Variants in C12orf42 observed in about 807,000 individuals in gnomAD.
The protein encoded by C12orf42 is uncharacterized protein C12orf42.
C12orf42 carries 25 observed loss-of-function variants against 21.6 expected under a neutral mutation model. That is an observed-to-expected ratio of 1.16 (90% confidence interval 0.84 to 1.62). C12orf42 has a LOEUF of 1.62. C12orf42 is among the 40% of genes most tolerant of loss of function. The pLI is 0.00. For synonymous variants in C12orf42, 174 were observed against 175.0 expected (o/e 0.99, Z 0.05); for missense variants, 483 against 459.3 (o/e 1.05, Z -0.47).
chr12:103,344,447 A>G (rs1325934415), intron 4 of C12orf42, among the ~76,000 whole-genome samples: 3 of 152,104 alleles, frequency 2.0e-5, no homozygotes, highest in Non-Finnish European at 2.9e-5. Context: ...CCTTTCCCCT[A>G]TTTAGAAAGC....
chr12:103,050,977 A>T, the C12orf42 span, among the ~76,000 whole-genome samples: 1 of 152,168 alleles, frequency 6.6e-6, no homozygotes. Context: ...AATTCTGTGT[A>T]CATTCCTAAA....
the C12orf42 span, among the ~76,000 whole-genome samples, chr12:103,538,029 A>T: frequency 6.6e-6 from 1 of 152,238 alleles, no homozygotes; most frequent in African/African-American, 2.4e-5. Context: ...GTAGTCACCA[A>T]TATCTGCTGC....
intron 4 of C12orf42, among the ~76,000 whole-genome samples, chr12:103,278,200 G>T (rs756828115): frequency 5.9e-5 from 9 of 152,212 alleles, no homozygotes; most frequent in Middle Eastern, 3.4e-3. Context: ...GCAACAATGG[G>T]GGGGCTATGT....
the C12orf42 span, among the ~76,000 whole-genome samples, chr12:103,126,588 G>C: frequency 6.6e-6 from 1 of 151,898 alleles, no homozygotes; most frequent in African/African-American, 2.4e-5. Flanking sequence ...TCAAGAATGT[G>C]AAGGTGTGTA....
chr12:103,466,948 C>T (rs1953186359), intron 2 of C12orf42, among the ~76,000 whole-genome samples: 1 of 152,176 alleles, frequency 6.6e-6, no homozygotes, highest in South Asian at 2.1e-4. Context: ...CCAGACGAGG[C>T]CATCCTGGAT....
intron 3 of C12orf42, among the ~76,000 whole-genome samples, chr12:103,386,422 T>C (rs777798542): frequency 7.9e-5 from 12 of 152,064 alleles, no homozygotes; most frequent in Non-Finnish European, 7.4e-5. Flanking sequence ...CCCAGTTATC[T>C]CCAGCTGAAT....
At chr12:103,225,908 A>G in the C12orf42 span, among the ~76,000 whole-genome samples, 8 of 152,170 alleles carry the variant, frequency 5.3e-5, no homozygotes, top group Admixed American at 5.2e-4. Context: ...GTGTTGGTCT[A>G]AGGGGCTTCC....
At chr12:103,096,250 C>G in the C12orf42 span, among the ~76,000 whole-genome samples, 2 of 152,006 alleles carry the variant, frequency 1.3e-5, no homozygotes, top group Non-Finnish European at 2.9e-5. Context: ...ATACAGTGCC[C>G]AACAAGCACA....
At chr12:103,357,535 A>T (rs1008189885) in intron 4 of C12orf42, among the ~76,000 whole-genome samples, 1 of 152,034 alleles carries the variant, frequency 6.6e-6, no homozygotes, top group Middle Eastern at 3.2e-3. Flanking sequence ...TTGCTCAGCC[A>T]TTTGGGACTC....
chr12:103,254,237 C>A (rs1565996776), intron 10 of C12orf42, among the ~76,000 whole-genome samples: 2 of 152,278 alleles, frequency 1.3e-5, no homozygotes, highest in South Asian at 2.1e-4. Context: ...ATAGGGGATC[C>A]TTTCCCGGTT....
the C12orf42 span, among the ~76,000 whole-genome samples, chr12:103,180,291 A>T: frequency 1.3e-4 from 20 of 152,298 alleles, no homozygotes; most frequent in African/African-American, 4.3e-4. Flanking sequence ...GGAGAAAATT[A>T]GGTGGCAAGT....
At position 103,306,245 on chromosome 12, in the gene C12orf42, A is replaced by C; in HGVS notation, c.360T>G (p.Asp120Glu). 1 of 1,613,896 alleles carries C rather than the reference A, an allele frequency of 6.2e-7. No homozygotes were observed. The change falls in exon 5 of 6, where the codon GAT (aspartate) becomes GAG (glutamate). Residue 120 changes from aspartate to glutamate, a missense_variant. Coordinates refer to ENST00000548883, the MANE Select transcript of C12orf42 (RefSeq NM_198521.5). ...PRCSVSTVSF[D>E]EESYEEFRSS... ...AACGGAATTCTTCATAGCTTTCTTC[A>C]TCAAAAGAAACTGTGCTTACAGAAC...
intron 2 of C12orf42, among the ~76,000 whole-genome samples, chr12:103,416,153 C>G (rs1320347): frequency 0.39 from 58,503 of 150,848 alleles, 13,997 homozygotes; most frequent in Admixed American, 0.54. Flanking sequence ...TCATTTTAAT[C>G]AAACTTTATG....
At chr12:103,387,912 C>CT (rs1206353193) in intron 3 of C12orf42, among the ~76,000 whole-genome samples, 1 of 151,888 alleles carries the variant, frequency 6.6e-6, no homozygotes, top group Non-Finnish European at 1.5e-5. Flanking sequence ...CTCTTTTTTT[C>CT]TTTTTTAACA....
At chr12:103,311,111 C>T (rs541481746) in intron 4 of C12orf42, among the ~76,000 whole-genome samples, 1 of 152,062 alleles carries the variant, frequency 6.6e-6, no homozygotes, top group Admixed American at 6.6e-5. Flanking sequence ...GATCTTATGA[C>T]CTGTGCACTA....
the C12orf42 span, among the ~76,000 whole-genome samples, chr12:103,104,722 C>T: frequency 2.0e-5 from 3 of 152,198 alleles, no homozygotes; most frequent in African/African-American, 4.8e-5. Flanking sequence ...CGTGAGCCAC[C>T]GCGCCTGGCC....
At chr12:103,153,519 G>T in the C12orf42 span, among the ~76,000 whole-genome samples, 22 of 152,204 alleles carry the variant, frequency 1.4e-4, no homozygotes, top group African/African-American at 5.3e-4. Context: ...AACTGAAAAT[G>T]TGAACAAATA....
the C12orf42 span, among the ~76,000 whole-genome samples, chr12:103,188,230 C>T: frequency 6.6e-6 from 1 of 152,144 alleles, no homozygotes; most frequent in Admixed American, 6.5e-5. Flanking sequence ...CTTTCTTTCA[C>T]TTGATTCCTT....
the C12orf42 span, among the ~76,000 whole-genome samples, chr12:103,180,631 T>C: frequency 1.4e-5 from 2 of 140,536 alleles, no homozygotes; most frequent in Non-Finnish European, 3.1e-5. Context: ...TTTTTTTTTT[T>C]TTTTTTTTTT....
Sources: gnomAD v4.1 joint callset for allele counts (sites outside exome capture counted in the v4.1 genomes callset) on GRCh38, gnomAD v4.1.1 for gene constraint, MANE v1.5 for transcripts, NCBI Gene and HGNC (gene_info 2026-07-23, HGNC 2026-07-21) for gene names.